EVL: variants seen among roughly 807,000 people sequenced by gnomAD.
The protein encoded by EVL is Enah/Vasp-like.
A neutral mutation model predicts 59.6 loss-of-function variants in EVL; 21 were observed. The observed-to-expected ratio is 0.35, with a 90% CI of 0.25 to 0.51. The LOEUF is 0.51. Among genes scored for constraint, EVL ranks in the 20% least tolerant of loss-of-function variants. The pLI is 0.97. For synonymous variants in EVL, 198 were observed against 203.5 expected, an observed-to-expected ratio of 0.97 and a Z score of 0.23; for missense variants, 462 against 546.6, an observed-to-expected ratio of 0.85 and a Z score of 1.54.
chr14:100,062,222 GTATA>G (rs57785687), upstream of EVL, among the ~76,000 whole-genome samples: 2 of 149,464 alleles, frequency 1.3e-5, no homozygotes, highest in Non-Finnish European at 1.5e-5. Context: ...ATATATATAT[GTATA>G]TATATATATA....
At chr14:100,141,993 G>T in intron 13 of EVL, 200 bp downstream of exon 13, 1 of 479,886 alleles carries the variant, frequency 2.1e-6, no homozygotes. Context: ...CTAAGAATTT[G>T]TAGCTCCCTG....
intron 1 of EVL, among the ~76,000 whole-genome samples, chr14:100,027,714 G>A (rs1334992637): frequency 6.6e-6 from 1 of 151,704 alleles, no homozygotes; most frequent in Non-Finnish European, 1.5e-5. Context: ...TTGCTCTGTT[G>A]CCCAGGCTGG....
chr14:100,021,991 A>G (rs762860065), intron 1 of EVL, among the ~76,000 whole-genome samples: 1 of 152,114 alleles, frequency 6.6e-6, no homozygotes. Context: ...CGGTGCCGCT[A>G]TGAACTAACT....
At chr14:100,133,068 G>A (rs190703659) in intron 8 of EVL, among the ~76,000 whole-genome samples, 1 of 152,366 alleles carries the variant, frequency 6.6e-6, no homozygotes, top group East Asian at 1.9e-4. Flanking sequence ...CTTCCCAGGA[G>A]CCCCGGGGAG....
At chr14:100,019,392 C>G (rs908698522) in intron 1 of EVL, 4 of 416,934 alleles carry the variant, frequency 9.6e-6, no homozygotes, top group Non-Finnish European at 1.7e-5. Context: ...AGTTCCCAGC[C>G]TGGAGCCTAA....
At chr14:100,129,056 T>C (rs973137730) in intron 6 of EVL, among the ~76,000 whole-genome samples, 1 of 152,212 alleles carries the variant, frequency 6.6e-6, no homozygotes, top group African/African-American at 2.4e-5. Flanking sequence ...CGTTTACAAA[T>C]TGCAGATTTT....
chr14:100,131,754 C>CA (rs1290545239), intron 7 of EVL, among the ~76,000 whole-genome samples: 1 of 152,072 alleles, frequency 6.6e-6, no homozygotes, highest in African/African-American at 2.4e-5. Flanking sequence ...AAGGTGAAGA[C>CA]AAAAAAGACA....
chr14:100,006,593 TCTTAA>T (rs1461694814), intron 1 of EVL, among the ~76,000 whole-genome samples: 2 of 152,048 alleles, frequency 1.3e-5, no homozygotes, highest in African/African-American at 4.8e-5. Flanking sequence ...GGCATGTTAA[TCTTAA>T]CTTTAGCCAA....
intron 1 of EVL, among the ~76,000 whole-genome samples, chr14:100,008,218 G>C (rs2140190665): frequency 6.6e-6 from 1 of 152,278 alleles, no homozygotes; most frequent in East Asian, 1.9e-4. Flanking sequence ...GGCGGGATCT[G>C]AGATTTTTCA....
In EVL at chr14:100,097,534, A is replaced by T; in HGVS notation, c.234A>T (p.Pro78=). The T allele has an allele frequency of 6.2e-7, 1 of 1,614,138 alleles. No individual in the cohort carries two copies. Among genetic ancestry groups the T allele is most frequent in the Non-Finnish European group, 8.5e-7 (1 of 1,180,002 alleles). The change falls in exon 3 of 14, where the codon CCA becomes CCT. Residue 78 remains proline (P), a synonymous_variant. Transcript: ENST00000392920. Reference sequence around the variant, plus strand: ...GGCTGAAGTACAATCAGGCCACGCCAACCTTCCACCAGTGGCGAGATGCCC... The same window carrying T: ...GGCTGAAGTACAATCAGGCCACGCCTACCTTCCACCAGTGGCGAGATGCCC... The part of the protein sequence containing the change: ...VKGLKYNQAT[P]TFHQWRDARQ...
intron 1 of EVL, among the ~76,000 whole-genome samples, chr14:99,990,757 G>A (rs1412629364): frequency 1.3e-5 from 2 of 151,860 alleles, no homozygotes; most frequent in Non-Finnish European, 2.9e-5. Flanking sequence ...TCATTCATTC[G>A]TCAGTGGAAT....
chr14:100,125,122 C>CCACACACA lies in EVL; in HGVS notation c.422+1542_422+1549dup, dbSNP rs57005382. ...CACACACACCTGCCCCAAGGCGGGA[C>CCACACACA]CACACACACACACACACACACACAC... On this transcript the variant is annotated intron_variant, in intron 4 of 13. Coordinates refer to ENST00000392920, the MANE Select transcript of EVL (RefSeq NM_016337.3). 1.7e-3 allele frequency among the ~76,000 whole-genome samples: 176 copies of CCACACACA among 103,096 alleles called. 13 individuals carry two copies. Among genetic ancestry groups the CCACACACA allele is most frequent in the African/African-American group, 6.0e-3 (127 of 21,022 alleles). 67.6% of individuals were successfully genotyped at this position (103,096 alleles called of 152,430 possible). A position where few individuals can be genotyped will look rare whatever the true frequency, so the allele number is the denominator to read the frequency against.
intron 3 of EVL, chr14:100,102,157 T>A: frequency 2.3e-6 from 1 of 426,736 alleles, no homozygotes; most frequent in Non-Finnish European, 4.8e-6. Context: ...TTTTCCTTAC[T>A]GGTAAGGGTG....
chr14:100,087,597 G>T (rs549384863), intron 2 of EVL, among the ~76,000 whole-genome samples: 2 of 152,318 alleles, frequency 1.3e-5, no homozygotes, highest in Admixed American at 6.5e-5. Flanking sequence ...CTGGGTGACA[G>T]GGCGAGATTC....
chr14:100,090,346 G>A (rs1454891551), intron 2 of EVL, among the ~76,000 whole-genome samples: 4 of 152,150 alleles, frequency 2.6e-5, no homozygotes, highest in Admixed American at 6.5e-5. Flanking sequence ...GCTTAGATAA[G>A]ATGGACATAT....
At chr14:100,112,865 T>C (rs887764803) in intron 3 of EVL, among the ~76,000 whole-genome samples, 15 of 152,334 alleles carry the variant, frequency 9.8e-5, no homozygotes, top group African/African-American at 3.6e-4. Flanking sequence ...GCAGTTTGTA[T>C]CCACAGCTAT....
chr14:100,032,129 A>G (rs138869305), intron 1 of EVL, among the ~76,000 whole-genome samples: 36 of 152,354 alleles, frequency 2.4e-4, no homozygotes, highest in East Asian at 5.8e-4. Flanking sequence ...GAGCAGGGCA[A>G]TGAAACATTC....
At chr14:99,984,957 T>C (rs2060830860) in intron 1 of EVL, among the ~76,000 whole-genome samples, 1 of 152,168 alleles carries the variant, frequency 6.6e-6, no homozygotes, top group African/African-American at 2.4e-5. Context: ...TTAAAGTTTC[T>C]GTTGTTTTTA....
At chr14:100,023,850 A>G (rs1319400528) in intron 1 of EVL, among the ~76,000 whole-genome samples, 1 of 152,214 alleles carries the variant, frequency 6.6e-6, no homozygotes, top group Non-Finnish European at 1.5e-5. Flanking sequence ...TACACACCAC[A>G]GAGACTGTCT....
Sources: gnomAD v4.1 joint callset for allele counts (sites outside exome capture counted in the v4.1 genomes callset) on GRCh38, gnomAD v4.1.1 for gene constraint, MANE v1.5 for transcripts, NCBI Gene and HGNC (gene_info 2026-07-23, HGNC 2026-07-21) for gene names.